The following ANKRD30B variants were observed in gnomAD, a reference collection of about 807,000 sequenced individuals.
ANKRD30B encodes ankyrin repeat domain 30B, also known as ankyrin repeat domain-containing protein 30B.
Under a neutral mutation model 202.2 loss-of-function variants are expected in ANKRD30B, and 144 were observed. That is an observed-to-expected ratio of 0.71 (90% CI 0.62 to 0.82). The LOEUF (loss-of-function observed/expected upper bound fraction) is 0.82. Ranked by LOEUF, ANKRD30B falls within the 40% of genes least tolerant of loss-of-function variation. The pLI is 0.00. For missense variants in ANKRD30B, 1,487 were observed against 1,669.1 expected, an observed-to-expected ratio of 0.89 and a Z score of 1.90; for synonymous variants, 508 against 561.3, an observed-to-expected ratio of 0.91 and a Z score of 1.34.
chr18:14,763,995 G>A lies in ANKRD30B; in HGVS notation c.1130G>A (p.Gly377Glu), dbSNP rs1237576841. The A allele has an allele frequency of 2.5e-6, 4 of 1,589,116 alleles. No homozygotes were observed. Among genetic ancestry groups the A allele is most frequent in the Non-Finnish European group, 3.4e-6 (4 of 1,170,324 alleles). ...ETSVKTECVA[G>E]VTPNKTEVLE... is the part of the protein sequence containing the mutation. ...TCTGTAAAGACTGAATGCGTGGCAG[G>A]AGTAACACCTAATAAAACTGAAGTT... Residue 377 changes from glycine to glutamate, a missense_variant, in exon 7 of 44, where the codon GGA (glycine) becomes GAA (glutamate). Gly to Glu is a moderately conservative substitution (Grantham distance 98, BLOSUM62 -2). Around this residue, in one of 6 missense-constraint regions of ANKRD30B, gnomAD observed 889 missense variants for 841.4 expected, o/e 1.06. Coordinates refer to ENST00000690538, the MANE Select transcript of ANKRD30B (RefSeq NM_001367607.2).
chr18:14,811,490 C>T (rs1161081882), intron 28 of ANKRD30B, among the ~76,000 whole-genome samples: 2 of 150,560 alleles, frequency 1.3e-5, no homozygotes, highest in Middle Eastern at 3.2e-3. Context: ...GGATTAGAGG[C>T]GTGAGCCACC....
Position 14,763,730 on chromosome 18 carries a change from G to T in ANKRD30B, c.865G>T (p.Glu289Ter). Reference protein sequence around the residue: ...GTPDEAAPLAERTPDTAESLL... With the variant: ...GTPDEAAPLA ...ACCTGATGAGGCTGCACCCTTGGCGGAAAGAACACCTGACACGGCTGAAAG... is the reference window on the plus strand; with the variant it reads ...ACCTGATGAGGCTGCACCCTTGGCGTAAAGAACACCTGACACGGCTGAAAG... Residue 289 changes from glutamate to a stop codon, truncating the protein, a stop_gained, in exon 7 of 44, where the codon GAA becomes TAA. Transcript: ENST00000690538. LOFTEE classifies it high-confidence loss of function. 6 of 1,614,102 alleles carry T rather than the reference G, an allele frequency of 3.7e-6. No homozygotes were observed. Among genetic ancestry groups the T allele is most frequent in the Non-Finnish European group, 5.1e-6 (6 of 1,180,002 alleles).
At position 14,804,773 on chromosome 18, in the gene ANKRD30B, G is replaced by A. The variant is rs556639847; in HGVS notation, c.2284+949G>A. Reference sequence around the variant, plus strand: ...ATACTACTTCTATACAAAGAAAAAGGAAAGAGTGTGTGTTGAATGGGAAGA... The same window carrying A: ...ATACTACTTCTATACAAAGAAAAAGAAAAGAGTGTGTGTTGAATGGGAAGA... On this transcript the variant is annotated intron_variant, in intron 24 of 43. Transcript: ENST00000690538. Among the ~76,000 whole-genome samples the A allele has an allele frequency of 5.4e-4, 81 of 151,032 alleles. 1 individual carries two copies. Among genetic ancestry groups the A allele is most frequent in the African/African-American group, 1.5e-3 (61 of 40,920 alleles).
chr18:14,810,277 A>G lies in ANKRD30B; in HGVS notation c.2488+97A>G. The G allele has an allele frequency of 2.5e-6, 2 of 796,334 alleles. 1 individual carries two copies. The allele number at this position is 796,334 out of a possible 1,614,324, so 49.3% of individuals were successfully genotyped here. On this transcript the variant is annotated intron_variant, in intron 28 of 43. Transcript: ENST00000690538. ...ATTCCCAAAGTTGTTTTCTTTTGAAAATTTGATGGGAAAATTTGATACAAA... is the reference window on the plus strand; with the variant it reads ...ATTCCCAAAGTTGTTTTCTTTTGAAGATTTGATGGGAAAATTTGATACAAA...
intron 34 of ANKRD30B, among the ~76,000 whole-genome samples, chr18:14,836,391 C>A (rs12456830): frequency 0.33 from 50,285 of 151,652 alleles, 8,738 homozygotes; most frequent in Non-Finnish European, 0.39. Context: ...TTCAACCGTC[C>A]CCTACATCCT....
chr18:14,888,606 G>T, the ANKRD30B span: 1 of 381,264 alleles, frequency 2.6e-6, no homozygotes, highest in South Asian at 9.3e-5. Context: ...AGCCTTTCTT[G>T]ATTACTAAAA....
intron 14 of ANKRD30B, among the ~76,000 whole-genome samples, chr18:14,786,098 T>C (rs1020169215): frequency 1.2e-4 from 17 of 143,194 alleles, no homozygotes; most frequent in African/African-American, 4.2e-4. Flanking sequence ...AGATGTCGAA[T>C]GATAAATGTA....
At chr18:14,788,935 C>T (rs368209491) in intron 15 of ANKRD30B, among the ~76,000 whole-genome samples, 1 of 152,252 alleles carries the variant, frequency 6.6e-6, no homozygotes, top group South Asian at 2.1e-4. Flanking sequence ...GGGTCAAATG[C>T]TATTTCTAGT....
At chr18:14,906,599 T>C in the ANKRD30B span, among the ~76,000 whole-genome samples, 2 of 152,120 alleles carry the variant, frequency 1.3e-5, no homozygotes, top group South Asian at 2.1e-4. Flanking sequence ...TTTCATATTA[T>C]ACAATTTGTA....
the ANKRD30B span, among the ~76,000 whole-genome samples, chr18:14,866,401 G>T: frequency 6.6e-6 from 1 of 152,038 alleles, no homozygotes. Flanking sequence ...GATCATGGCC[G>T]GAGTGGTAGG....
intron 14 of ANKRD30B, among the ~76,000 whole-genome samples, chr18:14,786,329 A>G (rs1470758067): frequency 1.3e-5 from 2 of 152,148 alleles, no homozygotes; most frequent in African/African-American, 4.8e-5. Flanking sequence ...TAGATTACTT[A>G]AGGCAATTAT....
chr18:14,752,345 C>T (rs1913583494), intron 1 of ANKRD30B, among the ~76,000 whole-genome samples: 1 of 152,164 alleles, frequency 6.6e-6, no homozygotes, highest in Admixed American at 6.6e-5. Flanking sequence ...TCAAGTTGAA[C>T]TGAATCCAAA....
Position 14,852,326 on chromosome 18 carries a change from G to T in ANKRD30B, c.4382G>T (p.Arg1461Leu). ...CAGTTTCCTGAGATGAAAATGCAAC[G>T]TCATCTAAACGAGAAAAATGAGGAG... ...NIQFPEMKMQ[R>L]HLNEKNEEVF... Residue 1461 changes from arginine to leucine, a missense_variant, in exon 42 of 44, where the codon CGT (arginine) becomes CTT (leucine). Transcript: ENST00000690538. The T allele has an allele frequency of 6.5e-7, 1 of 1,545,516 alleles. No homozygotes were observed.
At chr18:14,881,555 T>C in the ANKRD30B span, among the ~76,000 whole-genome samples, 1 of 152,170 alleles carries the variant, frequency 6.6e-6, no homozygotes, top group Admixed American at 6.5e-5. Flanking sequence ...TTTTTGGTTA[T>C]GTTCTTTCAT....
rs576615728 is a variant in ANKRD30B, at chr18:14,837,797, C to T, written c.2988+121C>T. The T allele has an allele frequency of 8.5e-5, 102 of 1,198,688 alleles. No homozygotes were observed. The African/African-American group carries it at 1.1e-3, about 13-fold the overall frequency. The allele number at this position is 1,198,688 out of a possible 1,614,324, so 74.3% of individuals were successfully genotyped here. A position where few individuals can be genotyped will look rare whatever the true frequency, so the allele number is the denominator to read the frequency against. On this transcript the variant is annotated intron_variant, in intron 36 of 43. Coordinates refer to ENST00000690538, the MANE Select transcript of ANKRD30B (RefSeq NM_001367607.2). ...TTATGTCCATAAGGCGGGTGGATCA[C>T]GAGGTCAGGAGATCGAGACCATCCT...
chr18:14,831,623 T>G (rs1970945680), intron 34 of ANKRD30B, among the ~76,000 whole-genome samples, 168 bp downstream of exon 34: 2 of 150,966 alleles, frequency 1.3e-5, no homozygotes, highest in Admixed American at 1.3e-4. Flanking sequence ...TTTAAACAGT[T>G]TTTTTTTTGT....
the ANKRD30B span, among the ~76,000 whole-genome samples, chr18:14,874,357 CT>C: frequency 6.6e-6 from 1 of 152,128 alleles, no homozygotes; most frequent in South Asian, 2.1e-4. Flanking sequence ...AATGATTTTG[CT>C]TGTGGTTGGC....
intron 32 of ANKRD30B, chr18:14,825,253 G>A (rs1457498251): frequency 6.6e-6 from 1 of 152,152 alleles, no homozygotes; most frequent in Non-Finnish European, 1.5e-5. Context: ...CATGGACACT[G>A]ACCTAAGTGA....
rs1404910430 is a variant in ANKRD30B, at chr18:14,799,373, C to A, written c.2131+78C>A. 12 of 1,287,468 alleles carry A rather than the reference C, an allele frequency of 9.3e-6. No individual in the cohort carries two copies. The African/African-American group carries it at 1.4e-4, about 15-fold the overall frequency. The allele number at this position is 1,287,468 out of a possible 1,614,324, so 79.8% of individuals were successfully genotyped here. The stretch of plus-strand genomic sequence containing the variant: ...GAAATGCTGAGCACCTTTTTATTCC[C>A]AATGTTGTTTTCTTTTCAAAATTGG... On this transcript the variant is annotated intron_variant, in intron 22 of 43. Transcript: ENST00000690538.
Sources: gnomAD v4.1 joint callset for allele counts (sites outside exome capture counted in the v4.1 genomes callset) on GRCh38, gnomAD v4.1.1 for gene constraint, gnomAD v4.1.1 regional missense constraint, MANE v1.5 for transcripts, NCBI Gene and HGNC (gene_info 2026-07-23, HGNC 2026-07-21) for gene names.